Variants in DAAM1 observed in about 807,000 individuals in gnomAD.
The protein encoded by DAAM1 is disheveled-associated activator of morphogenesis 1.
DAAM1 carries 52 observed loss-of-function variants against 130.0 expected under a neutral mutation model. That is an observed-to-expected ratio of 0.40 (90% CI 0.32 to 0.50). The LOEUF (loss-of-function observed/expected upper bound fraction) is 0.50, where lower values mean the gene tolerates loss of function less well. DAAM1 is among the 20% of genes least tolerant of loss of function. The pLI, the probability that DAAM1 is intolerant of heterozygous loss-of-function variation, is 0.61. For synonymous variants in DAAM1, 452 were observed against 444.5 expected (o/e 1.02, Z -0.21); for missense variants, 1,134 against 1,303.8 (o/e 0.87, Z 2.01).
chr14:59,330,092 T>G (rs1885364313), intron 12 of DAAM1, among the ~76,000 whole-genome samples: 1 of 152,260 alleles, frequency 6.6e-6, no homozygotes, highest in Non-Finnish European at 1.5e-5. Context: ...TGAACTACTC[T>G]TTGTCTCACT....
At chr14:59,364,699 A>T (rs532522084) in intron 23 of DAAM1, among the ~76,000 whole-genome samples, 1 of 152,212 alleles carries the variant, frequency 6.6e-6, no homozygotes, top group South Asian at 2.1e-4. Flanking sequence ...GGTTGTAGAT[A>T]TGGATGATTG....
intron 2 of DAAM1, among the ~76,000 whole-genome samples, chr14:59,281,131 C>T (rs961723046): frequency 5.3e-5 from 8 of 152,164 alleles, no homozygotes; most frequent in South Asian, 4.2e-4. Flanking sequence ...GGAACGTTCA[C>T]CTCTAGGGAA....
chr14:59,293,913 C>G (rs1039891274), intron 3 of DAAM1, among the ~76,000 whole-genome samples: 3 of 152,172 alleles, frequency 2.0e-5, no homozygotes, highest in African/African-American at 7.2e-5. Context: ...TAGTGGCCAT[C>G]GTTAATATTA....
At chr14:59,266,881 T>C (rs946144736) in intron 2 of DAAM1, among the ~76,000 whole-genome samples, 1 of 152,210 alleles carries the variant, frequency 6.6e-6, no homozygotes, top group South Asian at 2.1e-4. Context: ...GAAATCTCCC[T>C]TTAAGATTAT....
chr14:59,301,018 T>C (rs918172818), intron 3 of DAAM1, among the ~76,000 whole-genome samples: 6 of 152,336 alleles, frequency 3.9e-5, no homozygotes, highest in African/African-American at 1.2e-4. Context: ...TTAATTGCTC[T>C]TCAAAGTGGT....
At chr14:59,303,832 G>A (rs1394722559) in intron 3 of DAAM1, among the ~76,000 whole-genome samples, 1 of 152,098 alleles carries the variant, frequency 6.6e-6, no homozygotes, top group Non-Finnish European at 1.5e-5. Context: ...CCCAGGAGGC[G>A]GAGGTTGCAG....
intron 2 of DAAM1, chr14:59,264,097 A>G (rs1225111688): frequency 5.0e-6 from 1 of 200,780 alleles, no homozygotes; most frequent in Non-Finnish European, 1.0e-5. Flanking sequence ...AATTAGTCAT[A>G]CTTTCCATCC....
intron 1 of DAAM1, among the ~76,000 whole-genome samples, chr14:59,224,015 C>T (rs1159713394): frequency 1.3e-5 from 2 of 152,178 alleles, no homozygotes; most frequent in African/African-American, 4.8e-5. Flanking sequence ...ATCAAGATCC[C>T]TTCACACTAA....
intron 1 of DAAM1, among the ~76,000 whole-genome samples, chr14:59,190,355 C>G (rs1475737161): frequency 6.6e-6 from 1 of 152,156 alleles, no homozygotes; most frequent in Non-Finnish European, 1.5e-5. Flanking sequence ...TTCCCCCTTT[C>G]GGGCTAGCCG....
At chr14:59,230,036 C>T (rs757277996) in intron 1 of DAAM1, among the ~76,000 whole-genome samples, 12 of 152,074 alleles carry the variant, frequency 7.9e-5, no homozygotes, top group Non-Finnish European at 2.9e-5. Context: ...AATTTAAGGC[C>T]CACTATTAAC....
At chr14:59,338,542 G>C in intron 15 of DAAM1, 1 of 954,070 alleles carries the variant, frequency 1.0e-6, no homozygotes, top group Non-Finnish European at 1.6e-6. Flanking sequence ...TAATGCCTAG[G>C]TAACTCCACT....
intron 15 of DAAM1, among the ~76,000 whole-genome samples, chr14:59,335,673 C>CAGCCCTTCCTTAAGGAT (rs1885600307): frequency 6.6e-6 from 1 of 152,052 alleles, no homozygotes; most frequent in African/African-American, 2.4e-5. Flanking sequence ...TGCTTGAGGA[C>CAGCCCTTCCTTAAGGAT]AGCCCTTCCT....
chr14:59,341,511 G>T (rs1034923665), intron 16 of DAAM1, among the ~76,000 whole-genome samples: 1 of 152,134 alleles, frequency 6.6e-6, no homozygotes, highest in East Asian at 1.9e-4. Flanking sequence ...ACAATATATT[G>T]TTTTAATTGT....
At chr14:59,245,003 T>C (rs1033129591) in intron 1 of DAAM1, among the ~76,000 whole-genome samples, 6 of 151,868 alleles carry the variant, frequency 4.0e-5, no homozygotes, top group African/African-American at 1.5e-4. Context: ...TTTTGTGGAA[T>C]GGAAAGTGGC....
intron 23 of DAAM1, among the ~76,000 whole-genome samples, chr14:59,364,950 C>T (rs1168336367): frequency 6.6e-6 from 1 of 152,212 alleles, no homozygotes; most frequent in East Asian, 1.9e-4. Context: ...ATGTATGCCT[C>T]ACCACTTTAG....
rs199646971 is a variant in DAAM1 at position 59,368,798 on chromosome 14, G to A, written c.3146G>A (p.Arg1049His). The A allele has an allele frequency of 7.9e-5, 127 of 1,613,972 alleles. 1 individual carries two copies. Among genetic ancestry groups the A allele is most frequent in the East Asian group, 2.0e-4 (9 of 44,866 alleles). ...DLSKLKRNRKRITNQMTDSSR... is the reference protein window; with the variant it reads ...DLSKLKRNRKHITNQMTDSSR... ...TCTAAATTGAAACGGAATCGCAAACGTATTACCAACCAGATGACTGACAGC... is the reference window on the plus strand; with the variant it reads ...TCTAAATTGAAACGGAATCGCAAACATATTACCAACCAGATGACTGACAGC... Residue 1049 changes from arginine (R) to histidine (H), a missense_variant, in exon 25 of 25, where the codon CGT (arginine) becomes CAT (histidine). Arg to His is a conservative substitution (Grantham distance 29). Coordinates refer to ENST00000360909, the MANE Select transcript of DAAM1 (RefSeq NM_001270520.2).
At chr14:59,306,623 A>G (rs1342235312) in intron 3 of DAAM1, among the ~76,000 whole-genome samples, 2 of 151,954 alleles carry the variant, frequency 1.3e-5, no homozygotes, top group Admixed American at 6.6e-5. Flanking sequence ...CCAAACTGTT[A>G]GGGAGCAGCA....
intron 2 of DAAM1, among the ~76,000 whole-genome samples, chr14:59,273,463 C>A (rs1428396337): frequency 6.6e-6 from 1 of 152,162 alleles, no homozygotes; most frequent in South Asian, 2.1e-4. Flanking sequence ...AAAACTATCT[C>A]TGAATTAATA....
intron 23 of DAAM1, among the ~76,000 whole-genome samples, chr14:59,366,533 T>G (rs976217614): frequency 3.9e-5 from 6 of 152,180 alleles, no homozygotes; most frequent in African/African-American, 1.2e-4. Context: ...GAGTTTGCTA[T>G]TAGTTTTATG....
Sources: allele counts gnomAD v4.1 joint callset (sites outside exome capture counted in the v4.1 genomes callset), GRCh38; gene constraint gnomAD v4.1.1; transcripts MANE v1.5; gene names NCBI Gene and HGNC (gene_info 2026-07-23, HGNC 2026-07-21).